The following TRAK1 variants were observed in gnomAD, a reference collection of about 807,000 sequenced individuals.
The protein encoded by TRAK1 is trafficking kinesin-binding protein 1.
A neutral mutation model predicts 92.1 loss-of-function variants in TRAK1; 33 were observed. The observed-to-expected ratio is 0.36, with a 90% CI of 0.27 to 0.48. The LOEUF is 0.48. Ranked by LOEUF, TRAK1 falls within the 20% of genes least tolerant of loss-of-function variation. The pLI is 0.99. For synonymous variants in TRAK1, 521 were observed against 517.3 expected, an observed-to-expected ratio of 1.01 and a Z score of -0.10; for missense variants, 1,123 against 1,257.9, an observed-to-expected ratio of 0.89 and a Z score of 1.62.
At position 42,160,854 on chromosome 3, in the gene TRAK1, G is replaced by A. The variant is rs79182772; in HGVS notation, c.287-15960G>A. 6.1e-3 allele frequency among the ~76,000 whole-genome samples: 921 copies of A among 152,094 alleles called. 6 individuals are homozygous for A. The highest frequency in any genetic ancestry group is 0.021 in the African/African-American group (868 of 41,486). The stretch of plus-strand genomic sequence containing the variant: ...ACTGAGGTCTTTGAAATTCATCCTT[G>A]TTGTTGCTAATATCACTAATTTTTT... On this transcript the variant is annotated intron_variant, in intron 2 of 15. Transcript: ENST00000327628.
intron 1 of TRAK1, among the ~76,000 whole-genome samples, chr3:42,080,135 C>G (rs1704361549): frequency 1.3e-5 from 2 of 152,148 alleles, no homozygotes; most frequent in African/African-American, 4.8e-5. Context: ...TTCTGAGTCA[C>G]AGAAATGACA....
chr3:42,202,443 G>A lies in TRAK1; in HGVS notation c.1435G>A (p.Glu479Lys). 2.0e-6 allele frequency: 3 copies of A among 1,479,662 alleles called. No homozygotes were observed. The highest frequency in any genetic ancestry group is 1.5e-5 in the South Asian group (1 of 67,596). The allele number at this position is 1,479,662 out of a possible 1,614,324, so 91.7% of individuals were successfully genotyped here. A position where few individuals can be genotyped will look rare whatever the true frequency, so the allele number is the denominator to read the frequency against. Reference protein sequence around the residue: ...ETEAADLGNDERSKKPGTPGT... With the variant: ...ETEAADLGNDKRSKKPGTPGT... The stretch of plus-strand genomic sequence containing the variant: ...ACCCCTTTCTTCTTCCAGAAACGAT[G>A]AGCGGAGTAAGAAGCCGGGGACGCC... Residue 479 changes from glutamate to lysine, a missense_variant, in exon 13 of 16, where the codon GAG becomes AAG. Glu to Lys is a moderately conservative substitution (Grantham distance 56). This residue lies in a region of TRAK1 where 686 missense variants were observed against 747.6 expected (regional missense o/e 0.92). Coordinates refer to ENST00000327628, the MANE Select transcript of TRAK1 (RefSeq NM_001042646.3). This position sits in a 1 kb window ranked among gnomAD's most constrained non-coding sequence, Gnocchi z 6.1.
rs1698319703 is a variant in TRAK1, at chr3:42,138,917, G to GTGTGTGTT, written c.286+13306_286+13313dup. 1.4e-5 allele frequency among the ~76,000 whole-genome samples: 2 copies of GTGTGTGTT among 147,346 alleles called. 1 individual carries two copies. Among genetic ancestry groups the GTGTGTGTT allele is most frequent in the South Asian group, 4.3e-4 (2 of 4,686 alleles). On this transcript the variant is annotated intron_variant, in intron 2 of 15. Coordinates refer to ENST00000327628, the MANE Select transcript of TRAK1 (RefSeq NM_001042646.3). ...TGTGTGTGTGTGTGTGTGTGTGTGTGTGTGTGTTTGGAGGAGGGGTACCTC... is the reference window on the plus strand; with the variant it reads ...TGTGTGTGTGTGTGTGTGTGTGTGTGTGTGTGTTTGTGTGTTTGGAGGAGGGGTACCTC...
chr3:42,133,071 A>G (rs1697425348), intron 2 of TRAK1, among the ~76,000 whole-genome samples: 1 of 152,152 alleles, frequency 6.6e-6, no homozygotes, highest in Non-Finnish European at 1.5e-5. Context: ...GACAGCTGTA[A>G]CTGCTCTCCC....
intron 1 of TRAK1, among the ~76,000 whole-genome samples, chr3:42,094,090 G>A (rs1423541800): frequency 5.3e-5 from 8 of 151,124 alleles, no homozygotes; most frequent in Admixed American, 2.6e-4. Context: ...ATTATAATAG[G>A]AAAAAAAAAT....
intron 1 of TRAK1, among the ~76,000 whole-genome samples, chr3:42,095,884 A>C (rs1705845657): frequency 6.6e-6 from 1 of 152,208 alleles, no homozygotes; most frequent in Non-Finnish European, 1.5e-5. Context: ...CAGAGCCCTG[A>C]TGAGTGGATT....
intron 1 of TRAK1, among the ~76,000 whole-genome samples, chr3:42,022,226 A>C (rs1208279335): frequency 6.6e-6 from 1 of 152,220 alleles, no homozygotes; most frequent in African/African-American, 2.4e-5. Flanking sequence ...AAGACATTCC[A>C]AAGGTCTCTT....
intron 1 of TRAK1, among the ~76,000 whole-genome samples, chr3:42,113,870 C>T (rs192467087): frequency 0.016 from 2,436 of 152,302 alleles, 17 homozygotes; most frequent in Non-Finnish European, 0.025. Context: ...AACATTTTAA[C>T]GGGTATAGTT....
intron 2 of TRAK1, among the ~76,000 whole-genome samples, chr3:42,175,518 G>C (rs935820732): frequency 6.6e-6 from 1 of 152,188 alleles, no homozygotes; most frequent in Non-Finnish European, 1.5e-5. Context: ...TCTCATGAAA[G>C]TGTTGGGTGG....
intron 3 of TRAK1, among the ~76,000 whole-genome samples, chr3:42,183,422 G>A (rs1355571083): frequency 6.6e-6 from 1 of 151,904 alleles, no homozygotes; most frequent in African/African-American, 2.4e-5. Context: ...TGGGTGTGGT[G>A]GCACATACCT....
chr3:42,208,963 T>C (rs1381347901), intron 13 of TRAK1, among the ~76,000 whole-genome samples: 1 of 152,196 alleles, frequency 6.6e-6, no homozygotes, highest in Non-Finnish European at 1.5e-5. Flanking sequence ...CTAGGAACAC[T>C]TCTCTTTGTA....
intron 1 of TRAK1, among the ~76,000 whole-genome samples, chr3:42,118,831 T>G (rs1158851578): frequency 6.6e-6 from 1 of 152,224 alleles, no homozygotes; most frequent in Non-Finnish European, 1.5e-5. Context: ...GAATGGTAGG[T>G]ATTGGATTGA....
chr3:42,069,361 T>TGGTG (rs1703817836), intron 1 of TRAK1, among the ~76,000 whole-genome samples: 1 of 148,276 alleles, frequency 6.7e-6, no homozygotes, highest in Non-Finnish European at 1.5e-5. Context: ...GTGGGTCGGA[T>TGGTG]GGTGCAGTGG....
At chr3:42,060,354 T>G (rs533614469) in intron 1 of TRAK1, among the ~76,000 whole-genome samples, 740 of 36,254 alleles carry the variant, frequency 0.02, 5 homozygotes, top group African/African-American at 0.068. Flanking sequence ...GGGGTGGTGG[T>G]GGGTGAGGGC....
At chr3:42,102,229 G>C (rs556927425) in intron 1 of TRAK1, among the ~76,000 whole-genome samples, 1 of 152,296 alleles carries the variant, frequency 6.6e-6, no homozygotes, top group Admixed American at 6.5e-5. Context: ...CCAGTGATCC[G>C]CCTGCCTTGG....
chr3:42,199,304 C>T (rs1250039485), intron 11 of TRAK1, 51 bp downstream of exon 11: 8 of 1,586,422 alleles, frequency 5.0e-6, no homozygotes, highest in African/African-American at 1.3e-5. Context: ...CAACTTGGAC[C>T]AGTGCAGTGT....
upstream of TRAK1, among the ~76,000 whole-genome samples, chr3:42,085,566 C>T (rs1406658490): frequency 1.3e-5 from 2 of 152,188 alleles, no homozygotes; most frequent in African/African-American, 4.8e-5. Context: ...GTAAATAAAC[C>T]TGTTGGGAAA....
chr3:42,089,504 G>A (rs185489022), upstream of TRAK1, among the ~76,000 whole-genome samples: 5 of 152,106 alleles, frequency 3.3e-5, no homozygotes, highest in South Asian at 4.1e-4. Flanking sequence ...TCTTTGCCCC[G>A]CTGACCTGCC....
chr3:42,127,367 G>A (rs1423870483), intron 2 of TRAK1, among the ~76,000 whole-genome samples: 1 of 69,762 alleles, frequency 1.4e-5, no homozygotes, highest in South Asian at 4.1e-4. Flanking sequence ...TTTTTTTTTT[G>A]GTTGAGACAG....
Sources: allele counts gnomAD v4.1 joint callset (sites outside exome capture counted in the v4.1 genomes callset), GRCh38; gene constraint gnomAD v4.1.1; regional missense constraint gnomAD v4.1.1; non-coding constraint Gnocchi (gnomAD v3.1); transcripts MANE v1.5; gene names NCBI Gene and HGNC (gene_info 2026-07-23, HGNC 2026-07-21).